LRP1B: variants seen among roughly 807,000 people sequenced by gnomAD.
The protein encoded by LRP1B is LDL receptor related protein 1B, also known as low-density lipoprotein receptor-related protein 1B.
LRP1B carries 217 observed loss-of-function variants against 556.6 expected under a neutral mutation model. The observed-to-expected ratio is 0.39, with a 90% CI of 0.35 to 0.44. The LOEUF is 0.44. Ranked by LOEUF, LRP1B falls within the 20% of genes least tolerant of loss-of-function variation. The pLI is 1.00. For synonymous variants in LRP1B, 2,047 were observed against 1,865.8 expected, an observed-to-expected ratio of 1.10 and a Z score of -2.50; for missense variants, 5,053 against 5,620.8, an observed-to-expected ratio of 0.90 and a Z score of 3.23.
At chr2:141,836,814 G>A (rs1358124464) in intron 1 of LRP1B, among the ~76,000 whole-genome samples, 3 of 151,750 alleles carry the variant, frequency 2.0e-5, no homozygotes, top group Non-Finnish European at 1.5e-5. Context: ...TCTAACAGTA[G>A]GTAATTTTTG....
intron 1 of LRP1B, among the ~76,000 whole-genome samples, chr2:142,022,955 G>T (rs563377924): frequency 6.6e-6 from 1 of 152,118 alleles, no homozygotes; most frequent in Admixed American, 6.6e-5. Context: ...GATTACAGGC[G>T]TGAGCCAACA....
intron 84 of LRP1B, among the ~76,000 whole-genome samples, chr2:140,295,244 T>C (rs1027169354): frequency 6.6e-6 from 1 of 152,182 alleles, no homozygotes; most frequent in Non-Finnish European, 1.5e-5. Context: ...TATAAACTTC[T>C]GGCCTGTGAT....
rs761652534 is a variant in LRP1B, at chr2:140,871,662, A to AT, written c.4170-3400dup. Among the ~76,000 whole-genome samples, 131 of 152,094 alleles carry AT rather than the reference A, an allele frequency of 8.6e-4. 1 individual carries two copies. The highest frequency in any genetic ancestry group is 1.3e-3 in the Non-Finnish European group (86 of 67,994). On this transcript the variant is annotated intron_variant, in intron 25 of 90. Transcript: ENST00000389484. ...TGTGAAAGGAAAATACATTTTGGAG[A>AT]TTTTTTATTTTGACTACTATAGGGG... is the stretch of plus-strand genomic sequence containing the variant.
chr2:141,504,797 C>T (rs1047599701), intron 2 of LRP1B, among the ~76,000 whole-genome samples: 2 of 152,034 alleles, frequency 1.3e-5, no homozygotes, highest in Admixed American at 6.6e-5. Context: ...ATATTAATTG[C>T]ATTAGATTTT....
In LRP1B at chr2:140,358,049, G is replaced by A. The variant is rs779468925; in HGVS notation, c.11325C>T (p.Ile3775=). 6.2e-7 allele frequency: 1 copy of A among 1,611,436 alleles called. No individual in the cohort carries two copies. The highest frequency in any genetic ancestry group is 1.7e-5 in the Admixed American group (1 of 59,806). Residue 3775 remains isoleucine, a synonymous_variant, in exon 74 of 91, where the codon ATC becomes ATT. Coordinates refer to ENST00000389484, the MANE Select transcript of LRP1B (RefSeq NM_018557.3). ...DEFACSNKKC[I]PMDLQCDRLD... Reference sequence around the variant, plus strand: ...GTCGATCACACTGGAGATCCATAGGGATGCATTTTTTATTACTACAAGCAA... The same window carrying A: ...GTCGATCACACTGGAGATCCATAGGAATGCATTTTTTATTACTACAAGCAA...
intron 3 of LRP1B, among the ~76,000 whole-genome samples, chr2:141,397,173 G>GT (rs1195798161): frequency 7.6e-6 from 1 of 131,826 alleles, no homozygotes; most frequent in Non-Finnish European, 1.6e-5. Context: ...AGAAAGAGAA[G>GT]TTTAGAGATG....
intron 77 of LRP1B, among the ~76,000 whole-genome samples, chr2:140,338,867 A>G (rs1681232493): frequency 6.6e-6 from 1 of 151,676 alleles, no homozygotes. Context: ...AAATATAAAA[A>G]TTTCACTTGC....
At position 141,599,070 on chromosome 2, in the gene LRP1B, C is replaced by T. The variant is rs1574123751; in HGVS notation, c.206-118537G>A. On this transcript the variant is annotated intron_variant, in intron 2 of 90. Coordinates refer to ENST00000389484, the MANE Select transcript of LRP1B (RefSeq NM_018557.3). ...TCCCCCCCGCCCCCCCCCCCCCCCC[C>T]CCCCGCTTTAACTCTCCTGTCAAGT... Among the ~76,000 whole-genome samples, 34 of 99,756 alleles carry T rather than the reference C, an allele frequency of 3.4e-4. 1 individual carries two copies. The highest frequency in any genetic ancestry group is 1.3e-3 in the African/African-American group (33 of 24,850). 65.4% of individuals were successfully genotyped at this position (99,756 alleles called of 152,430 possible). A position where few individuals can be genotyped will look rare whatever the true frequency, so the allele number is the denominator to read the frequency against.
At chr2:141,828,541 G>A (rs535342245) in intron 1 of LRP1B, among the ~76,000 whole-genome samples, 82 of 152,210 alleles carry the variant, frequency 5.4e-4, no homozygotes, top group South Asian at 3.5e-3. Flanking sequence ...ATTCTCAAGC[G>A]AGCTGACTCA....
intron 2 of LRP1B, among the ~76,000 whole-genome samples, chr2:141,498,701 A>G (rs1683607150): frequency 6.6e-6 from 1 of 152,086 alleles, no homozygotes; most frequent in Non-Finnish European, 1.5e-5. Context: ...ACAACTGCAT[A>G]ATGGCTCATA....
At chr2:141,336,463 T>A (rs78905092) in intron 3 of LRP1B, among the ~76,000 whole-genome samples, 2 of 152,186 alleles carry the variant, frequency 1.3e-5, no homozygotes, top group Non-Finnish European at 2.9e-5. Flanking sequence ...TCTTCATAAA[T>A]CCCTTTTCCC....
chr2:141,255,441 C>G (rs1400916887), intron 3 of LRP1B, among the ~76,000 whole-genome samples: 2 of 151,780 alleles, frequency 1.3e-5, no homozygotes, highest in East Asian at 3.9e-4. Context: ...TGATATTTGC[C>G]AAGAGTTTAG....
intron 35 of LRP1B, among the ~76,000 whole-genome samples, chr2:140,717,945 T>C (rs892170109): frequency 6.6e-6 from 1 of 152,072 alleles, no homozygotes; most frequent in Non-Finnish European, 1.5e-5. Flanking sequence ...CCTATCCAAA[T>C]ATATGTCTAG....
At chr2:141,058,096 C>G (rs1699232598) in intron 9 of LRP1B, among the ~76,000 whole-genome samples, 1 of 151,894 alleles carries the variant, frequency 6.6e-6, no homozygotes, top group South Asian at 2.1e-4. Flanking sequence ...AGAATAGTTC[C>G]TGGAACATAG....
chr2:140,365,537 T>C (rs1682721154), intron 71 of LRP1B, among the ~76,000 whole-genome samples: 1 of 151,680 alleles, frequency 6.6e-6, no homozygotes, highest in Non-Finnish European at 1.5e-5. Context: ...GTGGAGGCTA[T>C]AATGACTTGA....
At chr2:140,570,148 C>G (rs1012671961) in intron 43 of LRP1B, among the ~76,000 whole-genome samples, 11 of 151,266 alleles carry the variant, frequency 7.3e-5, no homozygotes, top group Non-Finnish European at 1.5e-4. Flanking sequence ...GTAAACAAAA[C>G]TCAACATTAG....
chr2:140,515,183 T>C (rs1421963340), intron 50 of LRP1B, among the ~76,000 whole-genome samples: 1 of 152,026 alleles, frequency 6.6e-6, no homozygotes, highest in East Asian at 1.9e-4. Flanking sequence ...CTAAGTAAGG[T>C]AACAATATGG....
intron 3 of LRP1B, among the ~76,000 whole-genome samples, chr2:141,450,589 T>C (rs1345964505): frequency 6.6e-6 from 1 of 151,058 alleles, no homozygotes; most frequent in Non-Finnish European, 1.5e-5. Flanking sequence ...AAAAAATATA[T>C]ATATATAATT....
chr2:141,719,367 G>A (rs1316310267), intron 2 of LRP1B, among the ~76,000 whole-genome samples: 1 of 152,062 alleles, frequency 6.6e-6, no homozygotes, highest in Non-Finnish European at 1.5e-5. Context: ...GACCAAGACA[G>A]AATTGCAATG....
Sources: allele counts gnomAD v4.1 joint callset (sites outside exome capture counted in the v4.1 genomes callset), GRCh38; gene constraint gnomAD v4.1.1; transcripts MANE v1.5; gene names NCBI Gene and HGNC (gene_info 2026-07-23, HGNC 2026-07-21).